The following ABHD12 variants were observed in gnomAD, a reference collection of about 807,000 sequenced individuals.
ABHD12 encodes lysophosphatidylserine lipase ABHD12.
Under a neutral mutation model 58.3 loss-of-function variants are expected in ABHD12, and 43 were observed. The ratio of observed to expected loss-of-function variants is 0.74; its 90% confidence interval spans 0.58 to 0.95. The LOEUF (loss-of-function observed/expected upper bound fraction) is 0.95, where lower values mean the gene tolerates loss of function less well. Among genes scored for constraint, ABHD12 ranks in the 40% least tolerant of loss-of-function variants. The pLI is 0.00. For missense variants in ABHD12, 539 were observed against 537.2 expected, an observed-to-expected ratio of 1.00 and a Z score of -0.03; for synonymous variants, 219 against 211.2, an observed-to-expected ratio of 1.04 and a Z score of -0.32.
At chr20:25,372,755 C>A (rs764150386) in intron 1 of ABHD12, among the ~76,000 whole-genome samples, 1 of 152,092 alleles carries the variant, frequency 6.6e-6, no homozygotes, top group African/African-American at 2.4e-5. Context: ...ATGGCTGTAG[C>A]GTCACAGTGA....
At chr20:25,305,658 G>C (rs2088723291) in intron 10 of ABHD12, among the ~76,000 whole-genome samples, 1 of 151,746 alleles carries the variant, frequency 6.6e-6, no homozygotes, top group African/African-American at 2.4e-5. Flanking sequence ...ACCACGCCCA[G>C]CCTACTTCCC....
intron 12 of ABHD12, among the ~76,000 whole-genome samples, 166 bp from the exon 13 acceptor site, chr20:25,301,050 C>T (rs2088627194): frequency 6.6e-6 from 1 of 152,212 alleles, no homozygotes; most frequent in South Asian, 2.1e-4. Context: ...GTGAGTTAGG[C>T]AGGGAACAAG....
downstream of ABHD12, chr20:25,296,454 GCACGGGAGATCTGGGGTGTGGAGCCCTC>G: frequency 6.2e-7 from 1 of 1,614,028 alleles, no homozygotes; most frequent in Non-Finnish European, 8.5e-7. Flanking sequence ...CACGGAGTAT[GCACGGGAGATCTGGGGTGTGGAGCCCTC>G]CGACCTGCAG....
At chr20:25,320,085 A>G in intron 4 of ABHD12, 114 bp downstream of exon 4, 1 of 1,500,464 alleles carries the variant, frequency 6.7e-7, no homozygotes, top group South Asian at 1.2e-5. Context: ...AGTACACCCA[A>G]TTTTGTGGGA....
At chr20:25,315,312 G>A (rs571274460) in intron 5 of ABHD12, among the ~76,000 whole-genome samples, 9 of 152,270 alleles carry the variant, frequency 5.9e-5, no homozygotes, top group Admixed American at 5.2e-4. Context: ...GACAGCTCTC[G>A]GTGCTGCAGT....
At chr20:25,342,127 AG>A (rs1299547233) in intron 1 of ABHD12, among the ~76,000 whole-genome samples, 118 of 138,434 alleles carry the variant, frequency 8.5e-4, no homozygotes, top group African/African-American at 3.0e-3. Context: ...AAAAAAAAAA[AG>A]TTCACAGCTT....
intron 1 of ABHD12, among the ~76,000 whole-genome samples, chr20:25,369,452 A>C (rs2089869353): frequency 6.6e-6 from 1 of 152,126 alleles, no homozygotes. Context: ...TAAACACATT[A>C]CTCAGGAACC....
chr20:25,320,430 A>T, intron 3 of ABHD12, 112 bp from the exon 4 acceptor site: 1 of 1,441,178 alleles, frequency 6.9e-7, no homozygotes, highest in Non-Finnish European at 9.6e-7. Flanking sequence ...AGGGAGCTGC[A>T]GACCCCATCT....
intron 1 of ABHD12, among the ~76,000 whole-genome samples, chr20:25,372,025 G>A (rs150783861): frequency 1.4e-3 from 210 of 151,982 alleles, no homozygotes; most frequent in Non-Finnish European, 2.5e-3. Context: ...TTTTAGAGAG[G>A]GGATCTTTCT....
At chr20:25,373,229 C>A (rs1041930869) in intron 1 of ABHD12, among the ~76,000 whole-genome samples, 6 of 151,794 alleles carry the variant, frequency 4.0e-5, no homozygotes, top group African/African-American at 1.4e-4. Context: ...AGTGACATTA[C>A]TACATGGCAT....
chr20:25,382,567 T>C (rs2090034571), intron 1 of ABHD12, among the ~76,000 whole-genome samples: 1 of 152,154 alleles, frequency 6.6e-6, no homozygotes. Context: ...GGAGGAGAAG[T>C]TGCAGCAGCG....
intron 1 of ABHD12, among the ~76,000 whole-genome samples, chr20:25,373,700 T>C (rs1008881984): frequency 1.3e-5 from 2 of 152,090 alleles, no homozygotes; most frequent in African/African-American, 4.8e-5. Context: ...TCTTTATCAC[T>C]GATTTTGAGC....
At position 25,300,791 on chromosome 20, in the gene ABHD12, G is replaced by A. The variant is rs2088621184; in HGVS notation, c.*54C>T. 1 of 1,613,572 alleles carries A rather than the reference G, an allele frequency of 6.2e-7. No individual in the cohort carries two copies. Among genetic ancestry groups the A allele is most frequent in the Non-Finnish European group, 8.5e-7 (1 of 1,179,800 alleles). ...GCTTCAGGATACCGGGCTGCTGACT[G>A]GAGGAAAACGGGAGGAGGGCAGAGG... On this transcript the variant is annotated 3_prime_UTR_variant, in exon 13 of 13. Coordinates refer to ENST00000339157, the MANE Select transcript of ABHD12 (RefSeq NM_001042472.3).
intron 12 of ABHD12, chr20:25,295,097 T>TA (rs1471546414): frequency 1.3e-6 from 2 of 1,482,740 alleles, no homozygotes; most frequent in Non-Finnish European, 1.9e-6. Context: ...TCTGACTCGA[T>TA]AGTGAACAGA....
At chr20:25,384,343 T>A (rs1303093413) in intron 1 of ABHD12, among the ~76,000 whole-genome samples, 2 of 150,522 alleles carry the variant, frequency 1.3e-5, no homozygotes, top group South Asian at 2.1e-4. Context: ...GTTTTTTTTT[T>A]AACCTCCAAA....
intron 2 of ABHD12, among the ~76,000 whole-genome samples, chr20:25,336,578 C>A (rs2089372680): frequency 2.0e-5 from 3 of 152,162 alleles, no homozygotes; most frequent in Admixed American, 2.0e-4. Flanking sequence ...AGGCACCTCC[C>A]CAACAAAATT....
In ABHD12 at chr20:25,366,008, C is replaced by A. The variant is rs112035931; in HGVS notation, c.191+24505G>T. Among the ~76,000 whole-genome samples, 113 of 152,316 alleles carry A rather than the reference C, an allele frequency of 7.4e-4. 1 individual carries two copies. The highest frequency in any genetic ancestry group is 2.7e-3 in the African/African-American group (112 of 41,552). ...TGAGCTGAGATCGCACCACTGCACT[C>A]CAGCCTGGCTGACATAGTAAGACCC... is the stretch of plus-strand genomic sequence containing the variant. On this transcript the variant is annotated intron_variant, in intron 1 of 12. Transcript: ENST00000339157.
At chr20:25,335,509 T>G (rs62213684) in intron 2 of ABHD12, among the ~76,000 whole-genome samples, 763 of 110,822 alleles carry the variant, frequency 6.9e-3, no homozygotes, top group Admixed American at 8.4e-3. Context: ...CATGCACACG[T>G]ATGTTTATTG....
chr20:25,323,089 T>C (rs2089110184), intron 3 of ABHD12, among the ~76,000 whole-genome samples: 1 of 152,230 alleles, frequency 6.6e-6, no homozygotes, highest in Non-Finnish European at 1.5e-5. Flanking sequence ...TCTCTAAAAA[T>C]AATAATCTGT....
Sources: allele counts gnomAD v4.1 joint callset (sites outside exome capture counted in the v4.1 genomes callset), GRCh38; gene constraint gnomAD v4.1.1; transcripts MANE v1.5; gene names NCBI Gene and HGNC (gene_info 2026-07-23, HGNC 2026-07-21).